The following BCL2 variants were observed in gnomAD, a reference collection of about 807,000 sequenced individuals.
BCL2 encodes the protein BCL2 apoptosis regulator.
A neutral mutation model predicts 14.2 loss-of-function variants in BCL2; 1 was observed. That is an observed-to-expected ratio of 0.07 (90% confidence interval 0.02 to 0.33). The LOEUF (loss-of-function observed/expected upper bound fraction) is 0.33, where lower values mean the gene tolerates loss of function less well. BCL2 is among the 10% of genes least tolerant of loss of function. The pLI is 0.99. For synonymous variants in BCL2, 151 were observed against 137.2 expected (o/e 1.10, Z -0.70); for missense variants, 247 against 305.9 (o/e 0.81, Z 1.44).
chr18:63,192,173 TC>T (rs372254403), intron 2 of BCL2, among the ~76,000 whole-genome samples: 2 of 152,180 alleles, frequency 1.3e-5, no homozygotes, highest in African/African-American at 4.8e-5. Context: ...GATTGGGTGT[TC>T]CAGGGGAGCC....
intron 2 of BCL2, among the ~76,000 whole-genome samples, chr18:63,232,466 A>C (rs979099386): frequency 1.3e-5 from 2 of 152,242 alleles, no homozygotes; most frequent in Non-Finnish European, 2.9e-5. Flanking sequence ...AAAAGTGAGC[A>C]AAGTCTAGAG....
intron 2 of BCL2, among the ~76,000 whole-genome samples, chr18:63,241,226 C>T (rs1910991753): frequency 6.6e-6 from 1 of 152,194 alleles, no homozygotes; most frequent in Non-Finnish European, 1.5e-5. Context: ...ATTCTTTACG[C>T]TTTTACATAG....
At chr18:63,218,230 C>A (rs1230002953) in intron 2 of BCL2, among the ~76,000 whole-genome samples, 3 of 152,116 alleles carry the variant, frequency 2.0e-5, no homozygotes, top group South Asian at 2.1e-4. Context: ...CTGACACCAG[C>A]AAGTTCTGAT....
chr18:63,215,390 G>C (rs1435063205), intron 2 of BCL2, among the ~76,000 whole-genome samples: 1 of 152,154 alleles, frequency 6.6e-6, no homozygotes, highest in Non-Finnish European at 1.5e-5. Flanking sequence ...TCATGCTACA[G>C]TCAATCAAGG....
chr18:63,144,474 C>T (rs906421256), intron 2 of BCL2, among the ~76,000 whole-genome samples: 4 of 152,012 alleles, frequency 2.6e-5, no homozygotes, highest in African/African-American at 9.7e-5. Flanking sequence ...AGGCATGTAC[C>T]TTTTCAACTA....
At chr18:63,207,018 G>A (rs1426728151) in intron 2 of BCL2, among the ~76,000 whole-genome samples, 2 of 152,182 alleles carry the variant, frequency 1.3e-5, no homozygotes, top group South Asian at 2.1e-4. Context: ...GAGAGGGCTC[G>A]TGGTGAGCTG....
intron 2 of BCL2, among the ~76,000 whole-genome samples, chr18:63,169,409 TTC>T (rs139297674): frequency 0.15 from 16,891 of 112,440 alleles, 2,821 homozygotes; most frequent in East Asian, 0.38. Flanking sequence ...TTCTTTTTCT[TTC>T]TCTCTCTCTC....
intron 2 of BCL2, among the ~76,000 whole-genome samples, chr18:63,213,286 C>T (rs570736291): frequency 3.3e-5 from 5 of 152,280 alleles, no homozygotes; most frequent in South Asian, 2.1e-4. Context: ...ACCAGCATCA[C>T]GTGCTTAATA....
intron 2 of BCL2, among the ~76,000 whole-genome samples, chr18:63,277,493 G>A (rs1368231543): frequency 1.3e-5 from 2 of 151,954 alleles, no homozygotes; most frequent in South Asian, 2.1e-4. Context: ...GCCAGTGCAG[G>A]GTCTCATGAC....
upstream of BCL2, chr18:63,319,990 T>C (rs1913650391): frequency 6.6e-6 from 1 of 151,766 alleles, no homozygotes; most frequent in Admixed American, 6.6e-5. Flanking sequence ...CTCCGAGCGC[T>C]GACGGCCGCC....
intron 2 of BCL2, among the ~76,000 whole-genome samples, chr18:63,248,790 C>G (rs1238956187): frequency 6.6e-6 from 1 of 152,166 alleles, no homozygotes; most frequent in African/African-American, 2.4e-5. Flanking sequence ...AGCCTTGTTG[C>G]AGAGGTGGGA....
chr18:63,213,067 C>A (rs2144676660), intron 2 of BCL2, among the ~76,000 whole-genome samples: 1 of 152,246 alleles, frequency 6.6e-6, no homozygotes, highest in Middle Eastern at 3.4e-3. Flanking sequence ...TTCTTAGGAG[C>A]AGAGGAGGAC....
intron 2 of BCL2, among the ~76,000 whole-genome samples, chr18:63,289,369 T>C (rs193142223): frequency 6.6e-6 from 1 of 152,136 alleles, no homozygotes; most frequent in Non-Finnish European, 1.5e-5. Flanking sequence ...TGAGATCAGA[T>C]CTGGGCCTTA....
intron 2 of BCL2, among the ~76,000 whole-genome samples, chr18:63,240,022 C>T (rs1910954873): frequency 1.3e-5 from 2 of 152,158 alleles, no homozygotes; most frequent in South Asian, 4.2e-4. Context: ...CAGGGTCTCG[C>T]TGTGTCTCCC....
intron 2 of BCL2, among the ~76,000 whole-genome samples, chr18:63,289,915 G>A (rs979199662): frequency 6.6e-6 from 1 of 152,080 alleles, no homozygotes; most frequent in African/African-American, 2.4e-5. Flanking sequence ...AATCAGGGAA[G>A]AATTTTAATT....
At chr18:63,205,692 A>T (rs1039688098) in intron 2 of BCL2, among the ~76,000 whole-genome samples, 23 of 152,342 alleles carry the variant, frequency 1.5e-4, no homozygotes, top group Middle Eastern at 3.4e-3. Context: ...GAGGGGGTCT[A>T]GAAAAAGAAA....
intron 2 of BCL2, among the ~76,000 whole-genome samples, chr18:63,206,762 T>C (rs200592977): frequency 6.7e-6 from 1 of 149,286 alleles, no homozygotes; most frequent in East Asian, 2.0e-4. Context: ...AAGGGGACTC[T>C]GGTGTGGGTG....
chr18:63,158,278 A>C (rs954430102), intron 2 of BCL2, among the ~76,000 whole-genome samples: 14 of 152,196 alleles, frequency 9.2e-5, no homozygotes, highest in Admixed American at 5.9e-4. Context: ...CTTGAGGCGT[A>C]TTAATGAGTA....
chr18:63,142,450 C>T lies in BCL2; in HGVS notation c.586-13691G>A, dbSNP rs185161431. On this transcript the variant is annotated intron_variant, in intron 2 of 2. Coordinates refer to ENST00000333681, the MANE Select transcript of BCL2 (RefSeq NM_000633.3). ...AGACATCTGTCGAGGACCAGATGCA[C>T]CCCGGATGGTGCTGGTTCTGTTGTT... 2.7e-3 allele frequency among the ~76,000 whole-genome samples: 411 copies of T among 152,340 alleles called. 2 individuals carry two copies. The highest frequency in any genetic ancestry group is 4.3e-3 in the Non-Finnish European group (295 of 68,030).
Sources: gnomAD v4.1 joint callset for allele counts (sites outside exome capture counted in the v4.1 genomes callset) on GRCh38, gnomAD v4.1.1 for gene constraint, MANE v1.5 for transcripts, NCBI Gene and HGNC (gene_info 2026-07-23, HGNC 2026-07-21) for gene names.